Variants in PDE4B observed in about 807,000 individuals in gnomAD.
PDE4B encodes 3',5'-cyclic-AMP phosphodiesterase 4B.
Under a neutral mutation model 82.2 loss-of-function variants are expected in PDE4B, and 20 were observed. The ratio of observed to expected loss-of-function variants is 0.24; its 90% CI spans 0.17 to 0.35. The LOEUF is 0.35. PDE4B is among the 10% of genes least tolerant of loss of function. The probability of loss-of-function intolerance (pLI) is 1.00; values close to 1 mark genes in which losing one functional copy is unlikely to be tolerated. For synonymous variants in PDE4B, 320 were observed against 318.9 expected, an observed-to-expected ratio of 1.00 and a Z score of -0.04; for missense variants, 655 against 907.2, an observed-to-expected ratio of 0.72 and a Z score of 3.57.
At chr1:66,063,058 T>G (rs1002781819) in intron 3 of PDE4B, 1 of 152,012 alleles carries the variant, frequency 6.6e-6, no homozygotes, top group African/African-American at 2.4e-5. Context: ...TTGACCTTAT[T>G]AAAACATTGA....
chr1:66,301,739 A>G (rs1657912144), intron 7 of PDE4B, among the ~76,000 whole-genome samples: 2 of 152,158 alleles, frequency 1.3e-5, no homozygotes, highest in Admixed American at 6.6e-5. Context: ...AATTCATCCT[A>G]TAGCTTTTTC....
At chr1:66,255,392 T>A (rs1654136103) in intron 4 of PDE4B, among the ~76,000 whole-genome samples, 1 of 152,104 alleles carries the variant, frequency 6.6e-6, no homozygotes, top group Non-Finnish European at 1.5e-5. Context: ...CCAGCCTGGG[T>A]GATTTCTTTC....
chr1:66,294,185 GAC>G (rs1657325454), intron 7 of PDE4B, among the ~76,000 whole-genome samples: 1 of 151,964 alleles, frequency 6.6e-6, no homozygotes, highest in South Asian at 2.1e-4. Flanking sequence ...CACCCTGGGT[GAC>G]ACAGCAATAC....
At position 66,266,246 on chromosome 1, in the gene PDE4B, A is replaced by T; in HGVS notation, c.634+159A>T. On this transcript the variant is annotated intron_variant, in intron 7 of 16. Coordinates refer to ENST00000341517, the MANE Select transcript of PDE4B (RefSeq NM_002600.4). ...TTTTTCTAAGGTACACTGGAGCATT[A>T]CTTCACTCTATTAAAACCACATTAA... is the stretch of plus-strand genomic sequence containing the variant. 4 of 662,234 alleles carry T rather than the reference A, an allele frequency of 6.0e-6. No homozygotes were observed. In the East Asian group the frequency reaches 1.1e-4, roughly 18 times the overall value. The allele number at this position is 662,234 out of a possible 1,614,324, so 41.0% of individuals were successfully genotyped here. A position where few individuals can be genotyped will look rare whatever the true frequency, so the allele number is the denominator to read the frequency against.
intron 1 of PDE4B, among the ~76,000 whole-genome samples, chr1:65,809,515 A>G (rs1287067120): frequency 6.6e-6 from 1 of 152,152 alleles, no homozygotes; most frequent in Non-Finnish European, 1.5e-5. Flanking sequence ...GTTATATTTT[A>G]TATTCCATTT....
chr1:65,917,363 C>G (rs1354127631), intron 2 of PDE4B, among the ~76,000 whole-genome samples: 1 of 152,174 alleles, frequency 6.6e-6, no homozygotes, highest in Non-Finnish European at 1.5e-5. Context: ...GTAGGAAATA[C>G]CTGTCTTTAG....
In PDE4B at chr1:66,192,184, C is replaced by T. The variant is rs575572297; in HGVS notation, c.282-55276C>T. Among the ~76,000 whole-genome samples, 14 of 151,912 alleles carry T rather than the reference C, an allele frequency of 9.2e-5. No homozygotes were observed. In the East Asian group the frequency reaches 2.3e-3, roughly 25 times the overall value. ...GGCCTTGTGTCCAAAACTGTTCTATCTCTCTCTCTCTGTGTCTCTTTGTAT... is the reference window on the plus strand; with the variant it reads ...GGCCTTGTGTCCAAAACTGTTCTATTTCTCTCTCTCTGTGTCTCTTTGTAT... On this transcript the variant is annotated intron_variant, in intron 3 of 16. Coordinates refer to ENST00000341517, the MANE Select transcript of PDE4B (RefSeq NM_002600.4).
intron 9 of PDE4B, among the ~76,000 whole-genome samples, chr1:66,357,286 C>A (rs1231442170): frequency 6.6e-6 from 1 of 152,138 alleles, no homozygotes; most frequent in Non-Finnish European, 1.5e-5. Context: ...TAGTCTCTTT[C>A]AATATCTGCT....
intron 3 of PDE4B, among the ~76,000 whole-genome samples, chr1:66,207,346 T>C (rs950386695): frequency 6.6e-6 from 1 of 152,168 alleles, no homozygotes; most frequent in Non-Finnish European, 1.5e-5. Flanking sequence ...TTTATAGTGT[T>C]AACAAAGATT....
chr1:65,844,439 T>C lies in PDE4B; in HGVS notation c.-71+51191T>C, dbSNP rs114250728. On this transcript the variant is annotated intron_variant, in intron 1 of 16. Transcript: ENST00000341517. ...GAAATGTTGTCTCAGAGCTGGACTC[T>C]CGCAGACCGTTGTGTTCTCTTAGAC... Among the ~76,000 whole-genome samples, 1,166 of 152,300 alleles carry C rather than the reference T, an allele frequency of 7.7e-3. 20 individuals carry two copies. The highest frequency in any genetic ancestry group is 0.027 in the African/African-American group (1,127 of 41,572).
At chr1:65,917,492 T>C (rs1647176358) in intron 2 of PDE4B, among the ~76,000 whole-genome samples, 1 of 152,234 alleles carries the variant, frequency 6.6e-6, no homozygotes, top group Non-Finnish European at 1.5e-5. Flanking sequence ...TTGATATCAG[T>C]GACCATTGCA....
At chr1:66,330,841 T>A in intron 7 of PDE4B, 1 of 942,026 alleles carries the variant, frequency 1.1e-6, no homozygotes, top group Non-Finnish European at 1.3e-6. Flanking sequence ...GGAAGGAAGG[T>A]ATGTGTAAGT....
At chr1:66,288,727 G>A (rs756546032) in intron 7 of PDE4B, among the ~76,000 whole-genome samples, 40 of 152,100 alleles carry the variant, frequency 2.6e-4, no homozygotes, top group Non-Finnish European at 5.4e-4. Context: ...CAAGGACAAG[G>A]AACAAAATTG....
intron 3 of PDE4B, among the ~76,000 whole-genome samples, chr1:66,229,750 A>T (rs1651796410): frequency 6.6e-6 from 1 of 150,744 alleles, no homozygotes. Flanking sequence ...CGTGTGGCTA[A>T]AAAAAAAACC....
At chr1:66,336,599 G>A (rs1660535160) in intron 8 of PDE4B, among the ~76,000 whole-genome samples, 1 of 152,168 alleles carries the variant, frequency 6.6e-6, no homozygotes, top group Non-Finnish European at 1.5e-5. Flanking sequence ...GTTGGGTGCT[G>A]CTGGGTGAAA....
At position 66,355,403 on chromosome 1, in the gene PDE4B, A is replaced by G. The variant is rs572366613; in HGVS notation, c.748-124A>G. ...AAGAGATATATTTTGTAGAAACAGTATTATTTATCTAATGGTATCTGCTCA... is the reference window on the plus strand; with the variant it reads ...AAGAGATATATTTTGTAGAAACAGTGTTATTTATCTAATGGTATCTGCTCA... On this transcript the variant is annotated intron_variant, in intron 8 of 16. Transcript: ENST00000341517. 6.0e-5 allele frequency: 30 copies of G among 499,360 alleles called. No individual in the cohort carries two copies. The South Asian group carries it at 1.2e-3, about 21-fold the overall frequency. The allele number at this position is 499,360 out of a possible 1,614,324, so 30.9% of individuals were successfully genotyped here.
intron 3 of PDE4B, among the ~76,000 whole-genome samples, chr1:66,159,040 C>A (rs747157013): frequency 6.6e-6 from 1 of 151,894 alleles, no homozygotes; most frequent in Non-Finnish European, 1.5e-5. Flanking sequence ...TAAGGTGACA[C>A]GTAATAAAAA....
rs150956784 is a variant in PDE4B at position 66,307,112 on chromosome 1, GGA to G, written c.635-25387_635-25386del. On this transcript the variant is annotated intron_variant, in intron 7 of 16. Transcript: ENST00000341517. ...CCATTGGGATGAGAGAGAAAGAGAG[GGA>G]GAGAGAGACAGAGACAGAGACAGTG... Among the ~76,000 whole-genome samples, 1,088 of 151,998 alleles carry G rather than the reference GGA, an allele frequency of 7.2e-3. 37 individuals carry two copies. The East Asian group carries it at 0.11, about 15-fold the overall frequency.
intron 3 of PDE4B, among the ~76,000 whole-genome samples, chr1:66,023,763 T>TA (rs1653277325): frequency 6.6e-6 from 1 of 151,736 alleles, no homozygotes; most frequent in African/African-American, 2.4e-5. Flanking sequence ...GTAAAAAGAG[T>TA]AATAAGATAT....
Sources: gnomAD v4.1 joint callset for allele counts (sites outside exome capture counted in the v4.1 genomes callset) on GRCh38, gnomAD v4.1.1 for gene constraint, MANE v1.5 for transcripts, NCBI Gene and HGNC (gene_info 2026-07-23, HGNC 2026-07-21) for gene names.